SLC2A4: variants seen among roughly 807,000 people sequenced by gnomAD.
SLC2A4 encodes solute carrier family 2, facilitated glucose transporter member 4.
SLC2A4 carries 31 observed loss-of-function variants against 53.3 expected under a neutral mutation model. That is an observed-to-expected ratio of 0.58 (90% CI 0.44 to 0.78). The LOEUF (loss-of-function observed/expected upper bound fraction) is 0.78. Among genes scored for constraint, SLC2A4 ranks in the 30% least tolerant of loss-of-function variants. SLC2A4 has a pLI of 0.00. For synonymous variants in SLC2A4, 276 were observed against 281.9 expected (o/e 0.98, Z 0.21); for missense variants, 538 against 655.7 (o/e 0.82, Z 1.96).
rs754025923 is a variant in SLC2A4 at position 7,283,617 on chromosome 17, A to C, written c.295A>C (p.Ile99Leu). 1 of 1,613,134 alleles carries C rather than the reference A, an allele frequency of 6.2e-7. No homozygotes were observed. Among genetic ancestry groups the C allele is most frequent in the Admixed American group, 1.7e-5 (1 of 59,934 alleles). The change falls in exon 3 of 11, where the codon ATT (isoleucine) becomes CTT (leucine). Residue 99 changes from isoleucine (I) to leucine (L), a missense_variant. Transcript: ENST00000317370. The surrounding 1 kb of genome is among the most constrained non-coding windows in gnomAD (Gnocchi z 5.8). ...GGGCGGCATGATTTCCTCCTTCCTCATTGGTATCATCTCTCAGTGGCTTGG... is the reference window on the plus strand; with the variant it reads ...GGGCGGCATGATTTCCTCCTTCCTCCTTGGTATCATCTCTCAGTGGCTTGG... Reference protein sequence around the residue: ...SVGGMISSFLIGIISQWLGRK... With the variant: ...SVGGMISSFLLGIISQWLGRK...
At position 7,287,515 on chromosome 17, in the gene SLC2A4, T is replaced by C. The variant is rs2072462349; in HGVS notation, c.*886T>C. 1 of 152,228 alleles carries C rather than the reference T, an allele frequency of 6.6e-6. No individual in the cohort carries two copies. 9.4% of individuals were successfully genotyped at this position (152,228 alleles called of 1,614,324 possible). A position where few individuals can be genotyped will look rare whatever the true frequency, so the allele number is the denominator to read the frequency against. ...CAGGGCAAGAGGGAACAGGAAAGTA[T>C]GTGCCCATGTGTGGCAAGATGGAAG... On this transcript the variant is annotated 3_prime_UTR_variant, in exon 11 of 11. Coordinates refer to ENST00000317370, the MANE Select transcript of SLC2A4 (RefSeq NM_001042.3).
chr17:7,283,262 G>T lies in SLC2A4; in HGVS notation c.51G>T (p.Gln17His), dbSNP rs947358493. ...CTGTTCAGGATGGGGAACCCCCTCAGCAGCGAGTGACTGGGACCCTGGTCC... is the reference window on the plus strand; with the variant it reads ...CTGTTCAGGATGGGGAACCCCCTCATCAGCGAGTGACTGGGACCCTGGTCC... ...QIGSEDGEPP[Q>H]QRVTGTLVLA... Residue 17 changes from glutamine (Q) to histidine (H), a missense_variant, in exon 2 of 11, where the codon CAG (glutamine) becomes CAT (histidine). Transcript: ENST00000317370. This position sits in a 1 kb window ranked among gnomAD's most constrained non-coding sequence, Gnocchi z 5.8. The T allele has an allele frequency of 6.2e-7, 1 of 1,613,888 alleles. No individual in the cohort carries two copies. Among genetic ancestry groups the T allele is most frequent in the South Asian group, 1.1e-5 (1 of 91,074 alleles).
Position 7,285,186 on chromosome 17 carries a change from G to A in SLC2A4, c.1119G>A (p.Leu373=). 1 of 1,594,652 alleles carries A rather than the reference G, an allele frequency of 6.3e-7. No individual in the cohort carries two copies. ...CAILMTVALL[L]LERVPAMSYV... Reference sequence around the variant, plus strand: ...TCCTGATGACTGTGGCTCTGCTCCTGCTGGTAAGGCCTGGAGGCTAGGAGG... The same window carrying A: ...TCCTGATGACTGTGGCTCTGCTCCTACTGGTAAGGCCTGGAGGCTAGGAGG... Residue 373 remains leucine, a synonymous_variant, in exon 9 of 11, where the codon CTG becomes CTA. Coordinates refer to ENST00000317370, the MANE Select transcript of SLC2A4 (RefSeq NM_001042.3). The surrounding 1 kb of genome is among the most constrained non-coding windows in gnomAD (Gnocchi z 6.0).
Position 7,285,609 on chromosome 17 carries a change from T to C in SLC2A4, c.1123-96T>C. 1 of 1,199,866 alleles carries C rather than the reference T, an allele frequency of 8.3e-7. No individual in the cohort carries two copies. The highest frequency in any genetic ancestry group is 1.2e-6 in the Non-Finnish European group (1 of 816,222). The allele number at this position is 1,199,866 out of a possible 1,614,324, so 74.3% of individuals were successfully genotyped here. A position where few individuals can be genotyped will look rare whatever the true frequency, so the allele number is the denominator to read the frequency against. On this transcript the variant is annotated intron_variant, in intron 9 of 10. Transcript: ENST00000317370. This position sits in a 1 kb window ranked among gnomAD's most constrained non-coding sequence, Gnocchi z 6.0. The stretch of plus-strand genomic sequence containing the variant: ...GGACAGCAGGCCCCCTACAAGCTGC[T>C]GCGGAGGGGGTTAGGTTTCACTTCT...
Position 7,282,298 on chromosome 17 carries a change from G to T in SLC2A4, c.33+331G>T. ...CGACTCGGGAAAGCAGATCCAGGCG[G>T]GTCTTGCCCTCCGGGAGCTGTCCGT... On this transcript the variant is annotated intron_variant, in intron 1 of 10. Transcript: ENST00000317370. This position sits in a 1 kb window ranked among gnomAD's most constrained non-coding sequence, Gnocchi z 4.1. 1 of 541,938 alleles carries T rather than the reference G, an allele frequency of 1.8e-6. No individual in the cohort carries two copies. The highest frequency in any genetic ancestry group is 1.5e-5 in the South Asian group (1 of 65,154). The allele number at this position is 541,938 out of a possible 1,614,324, so 33.6% of individuals were successfully genotyped here. A position where few individuals can be genotyped will look rare whatever the true frequency, so the allele number is the denominator to read the frequency against.
chr17:7,282,134 C>T lies in SLC2A4; in HGVS notation c.33+167C>T. On this transcript the variant is annotated intron_variant, in intron 1 of 10. Transcript: ENST00000317370. The surrounding 1 kb of genome is among the most constrained non-coding windows in gnomAD (Gnocchi z 4.1). ...CTGGACAACCCGTGACTGTGAGATT[C>T]CAATCCTACCAAAAGGCAGAGTGGG... is the stretch of plus-strand genomic sequence containing the variant. 6 of 669,996 alleles carry T rather than the reference C, an allele frequency of 9.0e-6. No individual in the cohort carries two copies. In the South Asian group the frequency reaches 9.9e-5, roughly 11 times the overall value. The allele number at this position is 669,996 out of a possible 1,614,324, so 41.5% of individuals were successfully genotyped here.
rs370552867 is a variant in SLC2A4 at position 7,283,562 on chromosome 17, C to T, written c.240C>T (p.Leu80=). Residue 80 remains leucine, a synonymous_variant, in exon 3 of 11, where the codon CTC becomes CTT. Transcript: ENST00000317370. This position sits in a 1 kb window ranked among gnomAD's most constrained non-coding sequence, Gnocchi z 5.8. ...SSIPPGTLTT[L]WALSVAIFSV... ...TCCCTCCAGGCACCCTCACCACCCTCTGGGCCCTCTCCGTGGCCATCTTTT... is the reference window on the plus strand; with the variant it reads ...TCCCTCCAGGCACCCTCACCACCCTTTGGGCCCTCTCCGTGGCCATCTTTT... The T allele has an allele frequency of 5.3e-5, 85 of 1,613,968 alleles. No individual in the cohort carries two copies. Among genetic ancestry groups the T allele is most frequent in the Non-Finnish European group, 6.4e-5 (76 of 1,180,034 alleles).
In SLC2A4 at chr17:7,285,404, C is replaced by T. The variant is rs1233097145; in HGVS notation, c.1122+215C>T. Among the ~76,000 whole-genome samples, 1 of 152,212 alleles carries T rather than the reference C, an allele frequency of 6.6e-6. No homozygotes were observed. Among genetic ancestry groups the T allele is most frequent in the African/African-American group, 2.4e-5 (1 of 41,454 alleles). ...GCACTGGGAGGCAGCTGTGGCACAA[C>T]TCTGGCAGCCAGGAGGGAGAGCCCC... On this transcript the variant is annotated intron_variant, in intron 9 of 10. Transcript: ENST00000317370. The surrounding 1 kb of genome is among the most constrained non-coding windows in gnomAD (Gnocchi z 6.0).
In SLC2A4 at chr17:7,284,229, G is replaced by A. The variant is rs2072428821; in HGVS notation, c.577G>A (p.Glu193Lys). 6.2e-7 allele frequency: 1 copy of A among 1,612,948 alleles called. No individual in the cohort carries two copies. Among genetic ancestry groups the A allele is most frequent in the Non-Finnish European group, 8.5e-7 (1 of 1,180,024 alleles). The change falls in exon 6 of 11, where the codon GAG becomes AAG. Residue 193 changes from glutamate (E) to lysine (K), a missense_variant. Transcript: ENST00000317370. The surrounding 1 kb of genome is among the most constrained non-coding windows in gnomAD (Gnocchi z 7.5). ...CCTTCTCCCACAGGTGCTGGGCTTG[G>A]AGTCCCTCCTGGGCACTGCCAGCCT... ...GILIAQVLGL[E>K]SLLGTASLWP...
At chr17:7,281,997 G>T (rs755882396) in intron 1 of SLC2A4, 30 bp downstream of exon 1, 3 of 1,536,464 alleles carry the variant, frequency 2.0e-6, no homozygotes, top group East Asian at 4.5e-5. Flanking sequence ...GGCGGGGCGG[G>T]GGGGCACGGG....
In SLC2A4 at chr17:7,281,785, T is replaced by C; in HGVS notation, c.-150T>C. On this transcript the variant is annotated 5_prime_UTR_variant, in exon 1 of 11. Transcript: ENST00000317370. ...CACTGCTCTCCGGGTCCTTGGCTTG[T>C]GGCTGTGGGTCCCATCGGGCCCGCC... The C allele has an allele frequency of 1.3e-6, 1 of 777,080 alleles. No individual in the cohort carries two copies. 48.1% of individuals were successfully genotyped at this position (777,080 alleles called of 1,614,324 possible). A position where few individuals can be genotyped will look rare whatever the true frequency, so the allele number is the denominator to read the frequency against.
Position 7,283,185 on chromosome 17 carries a change from C to A in SLC2A4, c.34-60C>A, listed in dbSNP as rs3744402. On this transcript the variant is annotated intron_variant, in intron 1 of 10. Coordinates refer to ENST00000317370, the MANE Select transcript of SLC2A4 (RefSeq NM_001042.3). This position sits in a 1 kb window ranked among gnomAD's most constrained non-coding sequence, Gnocchi z 5.8. ...GCTCCAGCTGGGCCCGGGCCCCTAG[C>A]GGAAGGAAAAAAATCATGGTTCCAT... 1.2e-4 allele frequency: 179 copies of A among 1,434,288 alleles called. No individual in the cohort carries two copies. Among genetic ancestry groups the A allele is most frequent in the Non-Finnish European group, 1.9e-5 (19 of 1,016,980 alleles). The allele number at this position is 1,434,288 out of a possible 1,614,324, so 88.8% of individuals were successfully genotyped here. A position where few individuals can be genotyped will look rare whatever the true frequency, so the allele number is the denominator to read the frequency against.
At position 7,281,891 on chromosome 17, in the gene SLC2A4, T is replaced by A; in HGVS notation, c.-44T>A. The A allele has an allele frequency of 1.3e-6, 2 of 1,581,742 alleles. No homozygotes were observed. The highest frequency in any genetic ancestry group is 2.3e-5 in the South Asian group (2 of 86,786). ...GAGTCAGAGACTCCAGGATCGGTTCTTTCATCTTCGCCGCCCCTGCGCGTC... is the reference window on the plus strand; with the variant it reads ...GAGTCAGAGACTCCAGGATCGGTTCATTCATCTTCGCCGCCCCTGCGCGTC... On this transcript the variant is annotated 5_prime_UTR_variant, in exon 1 of 11. Transcript: ENST00000317370.
Position 7,285,698 on chromosome 17 carries a change from C to T in SLC2A4, c.1123-7C>T. On this transcript the variant is annotated splice_region_variant and splice_polypyrimidine_tract_variant and intron_variant, in intron 9 of 10. Transcript: ENST00000317370. This position sits in a 1 kb window ranked among gnomAD's most constrained non-coding sequence, Gnocchi z 6.0. ...TGGATTCTCCACCCTCCCTGTCTGG[C>T]CCCTAGGAGCGAGTTCCAGCCATGA... 6.2e-7 allele frequency: 1 copy of T among 1,614,072 alleles called. No individual in the cohort carries two copies. Among genetic ancestry groups the T allele is most frequent in the Non-Finnish European group, 8.5e-7 (1 of 1,179,922 alleles).
Position 7,283,201 on chromosome 17 carries a change from A to G in SLC2A4, c.34-44A>G, listed in dbSNP as rs776769609. On this transcript the variant is annotated intron_variant, in intron 1 of 10. Transcript: ENST00000317370. This position sits in a 1 kb window ranked among gnomAD's most constrained non-coding sequence, Gnocchi z 5.8. ...GGCCCCTAGCGGAAGGAAAAAAATC[A>G]TGGTTCCATGTGACATGCTGTGTCT... 2.0e-6 allele frequency: 3 copies of G among 1,534,858 alleles called. No homozygotes were observed. The South Asian group carries it at 3.4e-5, about 17-fold the overall frequency.
chr17:7,283,417 C>CG lies in SLC2A4; in HGVS notation c.151-51dup, dbSNP rs1456280891. 12 of 1,611,692 alleles carry CG rather than the reference C, an allele frequency of 7.4e-6. No individual in the cohort carries two copies. The highest frequency in any genetic ancestry group is 1.0e-5 in the Non-Finnish European group (12 of 1,178,476). On this transcript the variant is annotated intron_variant, in intron 2 of 10. Transcript: ENST00000317370. This position sits in a 1 kb window ranked among gnomAD's most constrained non-coding sequence, Gnocchi z 5.8. ...ACCCAAACGAGGAGGACAGGTGTCT[C>CG]GGGGGTGGTGGAAAGGGGACGGTCT... is the stretch of plus-strand genomic sequence containing the variant.
intron 10 of SLC2A4, 54 bp from the exon 11 acceptor site, chr17:7,286,372 A>G (rs1346272408): frequency 6.6e-7 from 1 of 1,525,772 alleles, no homozygotes; most frequent in Non-Finnish European, 9.1e-7. Flanking sequence ...GCCTGAAACT[A>G]CCCCTTCCCT....
At chr17:7,286,186 CCT>C (rs1227386685) in intron 10 of SLC2A4, 4 of 635,654 alleles carry the variant, frequency 6.3e-6, no homozygotes, top group Non-Finnish European at 1.1e-5. Context: ...CTGGGACTCT[CCT>C]CTGAGTGCAG....
intron 1 of SLC2A4, 22 bp downstream of exon 1, chr17:7,281,989 CGGGGCGGG>C: frequency 9.3e-6 from 2 of 215,494 alleles, no homozygotes; most frequent in Non-Finnish European, 1.9e-5. Flanking sequence ...CATGAGGGGG[CGGGGCGGG>C]GGGGCACGGG....
Sources: gnomAD v4.1 joint callset for allele counts (sites outside exome capture counted in the v4.1 genomes callset) on GRCh38, gnomAD v4.1.1 for gene constraint, Gnocchi (gnomAD v3.1) non-coding constraint, MANE v1.5 for transcripts, NCBI Gene and HGNC (gene_info 2026-07-23, HGNC 2026-07-21) for gene names.